The following RAB3C variants were observed in gnomAD, a reference collection of about 807,000 sequenced individuals.
The protein encoded by RAB3C is RAB3C, member RAS oncogene family.
A neutral mutation model predicts 26.4 loss-of-function variants in RAB3C; 17 were observed. That is an observed-to-expected ratio of 0.64 (90% CI 0.44 to 0.97). The LOEUF (loss-of-function observed/expected upper bound fraction) is 0.97. RAB3C is among the 50% of genes least tolerant of loss of function. The pLI is 0.00. For missense variants in RAB3C, 242 were observed against 281.9 expected, an observed-to-expected ratio of 0.86 and a Z score of 1.01; for synonymous variants, 91 against 95.9, an observed-to-expected ratio of 0.95 and a Z score of 0.30.
chr5:58,728,925 C>T (rs571282046), intron 3 of RAB3C, among the ~76,000 whole-genome samples: 18 of 152,032 alleles, frequency 1.2e-4, no homozygotes, highest in Non-Finnish European at 2.5e-4. Flanking sequence ...CATCCTTTTA[C>T]TACCTCTGTT....
At chr5:58,768,565 T>C (rs1741958406) in intron 3 of RAB3C, among the ~76,000 whole-genome samples, 1 of 152,108 alleles carries the variant, frequency 6.6e-6, no homozygotes, top group African/African-American at 2.4e-5. Context: ...AGGACTATTT[T>C]AGATCAGGGA....
At chr5:58,819,703 T>G (rs1743294544) in intron 3 of RAB3C, among the ~76,000 whole-genome samples, 1 of 126,370 alleles carries the variant, frequency 7.9e-6, no homozygotes, top group Non-Finnish European at 1.8e-5. Context: ...GGTGAAATCC[T>G]GTCTCTACTT....
rs1454506792 is a variant in RAB3C, at chr5:58,651,546, A to C, written c.252+33676A>C. Among the ~76,000 whole-genome samples, 3 of 152,240 alleles carry C rather than the reference A, an allele frequency of 2.0e-5. No homozygotes were observed. In the East Asian group the frequency reaches 5.8e-4, roughly 29 times the overall value. On this transcript the variant is annotated intron_variant, in intron 2 of 4. Coordinates refer to ENST00000282878, the MANE Select transcript of RAB3C (RefSeq NM_138453.4). ...CACATATTTCTGATATTAGTACAGT[A>C]GTAATATATAATTTATTATGTATGC...
chr5:58,642,422 T>A (rs944588642), intron 2 of RAB3C, among the ~76,000 whole-genome samples: 3 of 152,230 alleles, frequency 2.0e-5, no homozygotes, highest in African/African-American at 7.2e-5. Flanking sequence ...ACTACTCTCC[T>A]CACATTCACT....
chr5:58,847,724 A>T (rs993656031), intron 4 of RAB3C, among the ~76,000 whole-genome samples: 1 of 152,176 alleles, frequency 6.6e-6, no homozygotes, highest in Non-Finnish European at 1.5e-5. Context: ...CCTGTACCCC[A>T]AATCTAAACT....
chr5:58,740,983 T>C (rs1741261868), intron 3 of RAB3C, among the ~76,000 whole-genome samples: 2 of 152,232 alleles, frequency 1.3e-5, no homozygotes, highest in Non-Finnish European at 2.9e-5. Flanking sequence ...TCTGACCAGC[T>C]GTCTACAAAT....
At chr5:58,693,690 C>G (rs923004709) in intron 2 of RAB3C, among the ~76,000 whole-genome samples, 25 of 152,144 alleles carry the variant, frequency 1.6e-4, no homozygotes, top group Non-Finnish European at 2.9e-5. Context: ...AAACTCTAAG[C>G]CCTTGAGTAC....
Position 58,845,842 on chromosome 5 carries a change from A to T in RAB3C, c.497-5322A>T, listed in dbSNP as rs1293188621. ...AACCCCAGAAAGAAGCCCCCTGCCC[A>T]TCAGCATTCACTCTGCCTTTTCCCT... On this transcript the variant is annotated intron_variant, in intron 4 of 4. Coordinates refer to ENST00000282878, the MANE Select transcript of RAB3C (RefSeq NM_138453.4). Among the ~76,000 whole-genome samples the T allele has an allele frequency of 3.3e-5, 5 of 151,918 alleles. No individual in the cohort carries two copies. In the East Asian group the frequency reaches 9.7e-4, roughly 29 times the overall value.
chr5:58,811,341 TTGCGTGTGTGTGTATGTGTGTGTA>T (rs1743083518), intron 3 of RAB3C, among the ~76,000 whole-genome samples: 1 of 151,612 alleles, frequency 6.6e-6, no homozygotes, highest in Non-Finnish European at 1.5e-5. Context: ...AGGTTAGATT[TTGCGTGTGTGTGTATGTGTGTGTA>T]TGTGTGTGTG....
chr5:58,731,787 G>A (rs1463921494), intron 3 of RAB3C, among the ~76,000 whole-genome samples: 1 of 152,126 alleles, frequency 6.6e-6, no homozygotes, highest in African/African-American at 2.4e-5. Flanking sequence ...TTCACTTCTG[G>A]GACTTTAACT....
At chr5:58,791,898 C>G (rs191293056) in intron 3 of RAB3C, among the ~76,000 whole-genome samples, 1 of 152,320 alleles carries the variant, frequency 6.6e-6, no homozygotes, top group Admixed American at 6.5e-5. Context: ...ATTTTTGGCA[C>G]TGGCCTTCCA....
At chr5:58,841,147 C>T (rs1160034166) in intron 4 of RAB3C, among the ~76,000 whole-genome samples, 2 of 152,182 alleles carry the variant, frequency 1.3e-5, no homozygotes, top group African/African-American at 4.8e-5. Context: ...TTTCTCAGGT[C>T]CTGAGCACGG....
At chr5:58,721,024 G>T (rs747354489) in intron 2 of RAB3C, among the ~76,000 whole-genome samples, 1 of 151,694 alleles carries the variant, frequency 6.6e-6, no homozygotes, top group African/African-American at 2.4e-5. Context: ...AAAAAAGAAA[G>T]ATTTCATTAG....
At chr5:58,603,796 C>T (rs1251977288) in intron 1 of RAB3C, among the ~76,000 whole-genome samples, 1 of 152,114 alleles carries the variant, frequency 6.6e-6, no homozygotes, top group Non-Finnish European at 1.5e-5. Context: ...TGCCTTAATT[C>T]TTTTTCAGGC....
At chr5:58,708,547 G>A (rs1166710545) in intron 2 of RAB3C, among the ~76,000 whole-genome samples, 1 of 152,176 alleles carries the variant, frequency 6.6e-6, no homozygotes, top group African/African-American at 2.4e-5. Flanking sequence ...AGAAGGATCA[G>A]TAGAGGCCAG....
chr5:58,666,645 T>C (rs771720504), intron 2 of RAB3C, among the ~76,000 whole-genome samples: 15 of 152,064 alleles, frequency 9.9e-5, no homozygotes, highest in Non-Finnish European at 8.8e-5. Flanking sequence ...GACCAGTTAG[T>C]AGAGATAGGG....
chr5:58,813,282 G>A (rs1486220971), intron 3 of RAB3C, among the ~76,000 whole-genome samples: 1 of 151,920 alleles, frequency 6.6e-6, no homozygotes, highest in Non-Finnish European at 1.5e-5. Context: ...TATGATTATT[G>A]CACCACACTG....
At chr5:58,622,890 G>A (rs1746965797) in intron 2 of RAB3C, among the ~76,000 whole-genome samples, 1 of 152,184 alleles carries the variant, frequency 6.6e-6, no homozygotes, top group Non-Finnish European at 1.5e-5. Context: ...TGACCACATG[G>A]TAGAAGAGAT....
At chr5:58,797,349 AAAAAATATGTATATATATAATATAT>A (rs1188740014) in intron 3 of RAB3C, among the ~76,000 whole-genome samples, 796 of 12,888 alleles carry the variant, frequency 0.062, 50 homozygotes, top group African/African-American at 0.2. Flanking sequence ...CAAAAAAAAA[AAAAAATATGTATATATATAATATAT>A]ATATATATAT....
Sources: gnomAD v4.1 joint callset for allele counts (sites outside exome capture counted in the v4.1 genomes callset) on GRCh38, gnomAD v4.1.1 for gene constraint, MANE v1.5 for transcripts, NCBI Gene and HGNC (gene_info 2026-07-23, HGNC 2026-07-21) for gene names.